Variants in ZNF85 observed in about 807,000 individuals in gnomAD.
ZNF85 encodes zinc finger protein 85 (HPF4, HTF1).
In ZNF85, 50 loss-of-function variants were observed where a neutral mutation model predicts 53.9. The observed-to-expected ratio is 0.93, with a 90% confidence interval of 0.74 to 1.17. ZNF85 has a LOEUF of 1.17. ZNF85 is among the 50% of genes most tolerant of loss of function. The pLI, the probability that ZNF85 is intolerant of heterozygous loss-of-function variation, is 0.00. For missense variants in ZNF85, 747 were observed against 688.5 expected (o/e 1.08, Z -0.95); for synonymous variants, 225 against 226.1 (o/e 1.00, Z 0.04).
chr19:20,949,651 T>A lies in ZNF85; in HGVS notation c.1137T>A (p.Phe379Leu). The stretch of plus-strand genomic sequence containing the variant: ...AATGTGAAAAATGTGGAAAAGCCTT[T>A]AATCATTTCTCACACCTTACTACAC... ...PYKCEKCGKA[F>L]NHFSHLTTHK... Residue 379 changes from phenylalanine to leucine, a missense_variant, in exon 4 of 4, where the codon TTT becomes TTA. Physicochemically the swap from Phe to Leu is conservative, Grantham distance 22. Coordinates refer to ENST00000328178, the MANE Select transcript of ZNF85 (RefSeq NM_003429.5). 1 of 1,613,422 alleles carries A rather than the reference T, an allele frequency of 6.2e-7. No homozygotes were observed. Among genetic ancestry groups the A allele is most frequent in the Non-Finnish European group, 8.5e-7 (1 of 1,179,682 alleles).
chr19:20,948,717 G>A (rs756887484), intron 3 of ZNF85, 27 bp from the exon 4 acceptor site: 5 of 1,467,484 alleles, frequency 3.4e-6, no homozygotes, highest in African/African-American at 2.8e-5. Flanking sequence ...AGCAAGTGGA[G>A]TAATTTGTCA....
At chr19:20,925,684 G>C (rs769947058) in intron 1 of ZNF85, among the ~76,000 whole-genome samples, 4 of 152,156 alleles carry the variant, frequency 2.6e-5, no homozygotes, top group Non-Finnish European at 5.9e-5. Context: ...AGTGTCTCTT[G>C]AGAGGTTGGT....
intron 1 of ZNF85, among the ~76,000 whole-genome samples, chr19:20,931,721 C>T (rs1973027428): frequency 2.0e-5 from 3 of 146,902 alleles, no homozygotes; most frequent in Admixed American, 7.0e-5. Flanking sequence ...GATTCTCTTG[C>T]TTCAGCCTCC....
In ZNF85 at chr19:20,935,123, A is replaced by G. The variant is rs1014184296; in HGVS notation, c.229+76A>G. ...GGCCAAAGAGAAAGCCAGTCCTTAA[A>G]ATGTGATTTAGGAAGCTGTGTTCCA... On this transcript the variant is annotated intron_variant, in intron 3 of 3. Coordinates refer to ENST00000328178, the MANE Select transcript of ZNF85 (RefSeq NM_003429.5). The G allele has an allele frequency of 6.4e-6, 6 of 935,636 alleles. No individual in the cohort carries two copies. The Admixed American group carries it at 7.9e-5, about 12-fold the overall frequency. The allele number at this position is 935,636 out of a possible 1,614,324, so 58.0% of individuals were successfully genotyped here.
chr19:20,923,305 T>G lies in ZNF85; in HGVS notation c.-96T>G. Reference sequence around the variant, plus strand: ...TAGGTCTTGTTTTCCCTGCTTTGTGTTTTCTGCTCGTGGACGCCCAGCCTC... The same window carrying G: ...TAGGTCTTGTTTTCCCTGCTTTGTGGTTTCTGCTCGTGGACGCCCAGCCTC... On this transcript the variant is annotated 5_prime_UTR_variant, in exon 1 of 4. Transcript: ENST00000328178. 1.3e-6 allele frequency: 2 copies of G among 1,593,596 alleles called. No individual in the cohort carries two copies. The highest frequency in any genetic ancestry group is 1.7e-6 in the Non-Finnish European group (2 of 1,163,224).
At position 20,934,013 on chromosome 19, in the gene ZNF85, G is replaced by T. The variant is rs762726171; in HGVS notation, c.4-11G>T. ...TGTGTGTGTGTATGTGTATGTGTGT[G>T]TATCTTTCAGGGACCATTGACATTT... On this transcript the variant is annotated splice_polypyrimidine_tract_variant and intron_variant, in intron 1 of 3. Transcript: ENST00000328178. The T allele has an allele frequency of 6.2e-6, 10 of 1,601,480 alleles. No individual in the cohort carries two copies. Among genetic ancestry groups the T allele is most frequent in the South Asian group, 1.1e-5 (1 of 90,508 alleles).
intron 2 of ZNF85, 136 bp downstream of exon 2, chr19:20,934,286 T>A: frequency 8.2e-7 from 1 of 1,220,306 alleles, no homozygotes; most frequent in Non-Finnish European, 1.1e-6. Flanking sequence ...ATCTTGGGGA[T>A]TAATACATGT....
chr19:20,940,982 G>C (rs1210015039), intron 3 of ZNF85, among the ~76,000 whole-genome samples: 1 of 152,040 alleles, frequency 6.6e-6, no homozygotes, highest in Non-Finnish European at 1.5e-5. Flanking sequence ...ATGTCTCCCA[G>C]GTTCTGTGTT....
At chr19:20,938,880 ATATATGTG>A (rs1973226698) in intron 3 of ZNF85, among the ~76,000 whole-genome samples, 1 of 132,890 alleles carries the variant, frequency 7.5e-6, no homozygotes, top group Admixed American at 7.3e-5. Context: ...GTGTGTGTAT[ATATATGTG>A]TGTGTGTGTG....
chr19:20,945,281 C>A (rs1416408558), intron 3 of ZNF85, among the ~76,000 whole-genome samples: 2 of 152,068 alleles, frequency 1.3e-5, no homozygotes, highest in Non-Finnish European at 1.5e-5. Flanking sequence ...AAACAACTAC[C>A]AATTTTTTCC....
At chr19:20,948,108 T>A (rs1181547133) in intron 3 of ZNF85, among the ~76,000 whole-genome samples, 2 of 152,226 alleles carry the variant, frequency 1.3e-5, no homozygotes, top group East Asian at 3.9e-4. Flanking sequence ...TCTGAGAGTT[T>A]CTCTAACATG....
intron 1 of ZNF85, among the ~76,000 whole-genome samples, chr19:20,929,884 G>T (rs1410477768): frequency 6.6e-6 from 1 of 152,136 alleles, no homozygotes; most frequent in Non-Finnish European, 1.5e-5. Context: ...ACTTTGGGAG[G>T]CCAAAGCAGG....
At chr19:20,934,901 AT>A (rs1186586616) in intron 2 of ZNF85, 47 bp from the exon 3 acceptor site, 1 of 1,349,384 alleles carries the variant, frequency 7.4e-7, no homozygotes, top group Admixed American at 1.9e-5. Flanking sequence ...TAGATTGGTC[AT>A]TAGAGAATAT....
intron 3 of ZNF85, among the ~76,000 whole-genome samples, chr19:20,947,716 C>G (rs1973457309): frequency 6.6e-6 from 1 of 151,016 alleles, no homozygotes; most frequent in South Asian, 2.1e-4. Flanking sequence ...TGTGTGTATT[C>G]TAGTTTGTTG....
At chr19:20,942,197 C>T (rs1211544039) in intron 3 of ZNF85, among the ~76,000 whole-genome samples, 1 of 151,112 alleles carries the variant, frequency 6.6e-6, no homozygotes, top group Non-Finnish European at 1.5e-5. Flanking sequence ...GACAGAGTCT[C>T]TCACTGTTTC....
At chr19:20,943,056 A>C (rs1973336200) in intron 3 of ZNF85, 1 of 446,952 alleles carries the variant, frequency 2.2e-6, no homozygotes, top group Non-Finnish European at 3.9e-6. Flanking sequence ...GATTATAGGT[A>C]TGAGCCTGTT....
intron 1 of ZNF85, among the ~76,000 whole-genome samples, chr19:20,930,924 C>T (rs1362328079): frequency 6.6e-6 from 1 of 152,168 alleles, no homozygotes; most frequent in Non-Finnish European, 1.5e-5. Flanking sequence ...AGACATGCAC[C>T]ACCACACCCA....
chr19:20,933,972 T>C, intron 1 of ZNF85, 52 bp from the exon 2 acceptor site: 1 of 1,082,840 alleles, frequency 9.2e-7, no homozygotes, highest in East Asian at 2.5e-5. Context: ...TGTGTGTGTG[T>C]GTGTGTGTGT....
At chr19:20,948,703 G>A in intron 3 of ZNF85, 41 bp from the exon 4 acceptor site, 1 of 1,398,584 alleles carries the variant, frequency 7.2e-7, no homozygotes, top group Non-Finnish European at 9.7e-7. Context: ...CTTCATCTAA[G>A]TCTAGCAAGT....
Sources: gnomAD v4.1 joint callset for allele counts (sites outside exome capture counted in the v4.1 genomes callset) on GRCh38, gnomAD v4.1.1 for gene constraint, MANE v1.5 for transcripts, NCBI Gene and HGNC (gene_info 2026-07-23, HGNC 2026-07-21) for gene names.